Variants in KANK1 observed in about 807,000 individuals in gnomAD.
KANK1 encodes the protein KN motif and ankyrin repeat domains 1.
KANK1 carries 109 observed loss-of-function variants against 106.2 expected under a neutral mutation model. The ratio of observed to expected loss-of-function variants is 1.03; its 90% confidence interval spans 0.88 to 1.20. The LOEUF is 1.20. KANK1 is among the 50% of genes most tolerant of loss of function. The probability of loss-of-function intolerance (pLI) is 0.00; values close to 1 mark genes in which losing one functional copy is unlikely to be tolerated. For synonymous variants in KANK1, 873 were observed against 652.2 expected, an observed-to-expected ratio of 1.34 and a Z score of -5.16; for missense variants, 2,399 against 1,710.7, an observed-to-expected ratio of 1.40 and a Z score of -7.10.
chr9:705,962 C>G (rs1006646867), intron 2 of KANK1, among the ~76,000 whole-genome samples: 6 of 151,850 alleles, frequency 4.0e-5, no homozygotes, highest in Non-Finnish European at 8.8e-5. Context: ...GTACAAAAGA[C>G]AAAAAAGTGT....
intron 1 of KANK1, among the ~76,000 whole-genome samples, chr9:540,267 T>G (rs10815178): frequency 0.23 from 35,595 of 152,164 alleles, 5,154 homozygotes; most frequent in African/African-American, 0.4. Flanking sequence ...TTCAAATGAT[T>G]TTTATACATC....
At chr9:503,531 T>C (rs2058606082), upstream of KANK1, among the ~76,000 whole-genome samples, 1 of 152,226 alleles carries the variant, frequency 6.6e-6, no homozygotes, top group Non-Finnish European at 1.5e-5. Flanking sequence ...GCATGTCGCC[T>C]TGTGAAGTTT....
intron 7 of KANK1, among the ~76,000 whole-genome samples, chr9:737,454 AAG>A (rs1834093234): frequency 1.3e-5 from 2 of 152,206 alleles, no homozygotes; most frequent in Admixed American, 6.5e-5. Context: ...AACTCATATG[AAG>A]GCCCATTGAA....
chr9:734,345 T>G lies in KANK1; in HGVS notation c.3246-403T>G, dbSNP rs189255648. The G allele has an allele frequency of 3.8e-5, 7 of 183,652 alleles. No homozygotes were observed. The South Asian group carries it at 8.3e-4, about 22-fold the overall frequency. The allele number at this position is 183,652 out of a possible 1,614,324, so 11.4% of individuals were successfully genotyped here. On this transcript the variant is annotated intron_variant, in intron 6 of 11. Coordinates refer to ENST00000382297, the MANE Select transcript of KANK1 (RefSeq NM_015158.5). ...CCATAATGACCTGCCTGGGCTGGCTTGGGGCCACTTGCCTTTTAAAAATAT... is the reference window on the plus strand; with the variant it reads ...CCATAATGACCTGCCTGGGCTGGCTGGGGGCCACTTGCCTTTTAAAAATAT...
At chr9:511,227 G>A (rs970404439) in intron 1 of KANK1, among the ~76,000 whole-genome samples, 4 of 152,164 alleles carry the variant, frequency 2.6e-5, no homozygotes, top group African/African-American at 9.7e-5. Context: ...CTGCATTTAG[G>A]CAATAGGTTT....
At chr9:596,106 C>T (rs1826141125) in intron 1 of KANK1, among the ~76,000 whole-genome samples, 1 of 151,712 alleles carries the variant, frequency 6.6e-6, no homozygotes, top group Non-Finnish European at 1.5e-5. Flanking sequence ...TAATTTTGTG[C>T]ATGAAATAAA....
Position 711,544 on chromosome 9 carries a change from C to T in KANK1, c.778C>T (p.Leu260=), listed in dbSNP as rs761197958. 1 of 1,613,872 alleles carries T rather than the reference C, an allele frequency of 6.2e-7. No individual in the cohort carries two copies. Among genetic ancestry groups the T allele is most frequent in the Non-Finnish European group, 8.5e-7 (1 of 1,179,868 alleles). The part of the protein sequence containing the change: ...TPVTNVSPMH[L]QHIREQMAIA... The stretch of plus-strand genomic sequence containing the variant: ...AGTGACCAACGTGAGCCCCATGCAC[C>T]TGCAGCACATCCGCGAGCAGATGGC... The change falls in exon 3 of 12, where the codon CTG becomes TTG. Residue 260 remains leucine, a synonymous_variant. Coordinates refer to ENST00000382297, the MANE Select transcript of KANK1 (RefSeq NM_015158.5).
intron 1 of KANK1, among the ~76,000 whole-genome samples, chr9:570,539 A>C (rs369133053): frequency 6.6e-6 from 1 of 152,208 alleles, no homozygotes; most frequent in Non-Finnish European, 1.5e-5. Flanking sequence ...ATCTTTCATC[A>C]GCATAAAAGG....
chr9:679,038 T>C (rs1336094337), intron 2 of KANK1, among the ~76,000 whole-genome samples: 1 of 152,194 alleles, frequency 6.6e-6, no homozygotes, highest in Non-Finnish European at 1.5e-5. Context: ...TTTTTCTTTG[T>C]TCCTGAGATC....
At chr9:534,482 C>T (rs910314182) in intron 1 of KANK1, among the ~76,000 whole-genome samples, 3 of 152,166 alleles carry the variant, frequency 2.0e-5, no homozygotes, top group African/African-American at 4.8e-5. Context: ...AAATGCCGCT[C>T]TTAAGCAAAA....
intron 1 of KANK1, among the ~76,000 whole-genome samples, chr9:522,914 T>C (rs2059615100): frequency 1.3e-5 from 2 of 151,724 alleles, no homozygotes; most frequent in Admixed American, 1.3e-4. Flanking sequence ...TGCTGAGCTG[T>C]GGTTTCCCAT....
At chr9:703,545 G>A (rs1351790722) in intron 2 of KANK1, among the ~76,000 whole-genome samples, 2 of 152,038 alleles carry the variant, frequency 1.3e-5, no homozygotes. Context: ...AAACACCAGG[G>A]ACAGCCCTCC....
At chr9:692,450 A>G (rs1820191011) in intron 2 of KANK1, among the ~76,000 whole-genome samples, 1 of 151,852 alleles carries the variant, frequency 6.6e-6, no homozygotes, top group Non-Finnish European at 1.5e-5. Context: ...ATAATTTCAT[A>G]TTACTTTACA....
intron 2 of KANK1, among the ~76,000 whole-genome samples, chr9:471,919 G>A (rs578082643): frequency 6.6e-6 from 1 of 152,160 alleles, no homozygotes; most frequent in African/African-American, 2.4e-5. Context: ...ACCAGGGACT[G>A]CGGCTGACTC....
At chr9:632,720 C>T (rs1048615083) in intron 1 of KANK1, among the ~76,000 whole-genome samples, 1 of 152,162 alleles carries the variant, frequency 6.6e-6, no homozygotes, top group Non-Finnish European at 1.5e-5. Context: ...GATGGAGTCT[C>T]TCTCTGTTGC....
chr9:645,461 A>G lies in KANK1; in HGVS notation c.-83-31429A>G, dbSNP rs992777465. On this transcript the variant is annotated intron_variant, in intron 1 of 11. Coordinates refer to ENST00000382297, the MANE Select transcript of KANK1 (RefSeq NM_015158.5). Reference sequence around the variant, plus strand: ...TCTTAAAAAAAAAAAAAAAAAAAAAAGGCCTTAAGATAAAAAACAGTGAAA... The same window carrying G: ...TCTTAAAAAAAAAAAAAAAAAAAAAGGGCCTTAAGATAAAAAACAGTGAAA... Among the ~76,000 whole-genome samples, 11 of 143,078 alleles carry G rather than the reference A, an allele frequency of 7.7e-5. 1 individual carries two copies. Among genetic ancestry groups the G allele is most frequent in the African/African-American group, 3.0e-4 (11 of 37,266 alleles). 93.9% of individuals were successfully genotyped at this position (143,078 alleles called of 152,430 possible). A position where few individuals can be genotyped will look rare whatever the true frequency, so the allele number is the denominator to read the frequency against.
At chr9:665,655 C>G (rs1260890988) in intron 1 of KANK1, among the ~76,000 whole-genome samples, 1 of 152,000 alleles carries the variant, frequency 6.6e-6, no homozygotes, top group East Asian at 1.9e-4. Context: ...ATTTGTGGTT[C>G]CATATAAAAT....
At chr9:643,584 T>C (rs1210058991) in intron 1 of KANK1, among the ~76,000 whole-genome samples, 1 of 146,206 alleles carries the variant, frequency 6.8e-6, no homozygotes. Context: ...AGGGTCTCTC[T>C]GTGTTGCCCA....
intron 3 of KANK1, among the ~76,000 whole-genome samples, chr9:494,375 C>G (rs2058426559): frequency 6.6e-6 from 1 of 152,116 alleles, no homozygotes; most frequent in African/African-American, 2.4e-5. Flanking sequence ...TTCATGTATA[C>G]CAATAGAGTA....
Sources: gnomAD v4.1 joint callset for allele counts (sites outside exome capture counted in the v4.1 genomes callset) on GRCh38, gnomAD v4.1.1 for gene constraint, MANE v1.5 for transcripts, NCBI Gene and HGNC (gene_info 2026-07-23, HGNC 2026-07-21) for gene names.